The following CNBD1 variants were observed in gnomAD, a reference collection of about 807,000 sequenced individuals.
The protein encoded by CNBD1 is cyclic nucleotide binding domain containing 1.
A neutral mutation model predicts 54.4 loss-of-function variants in CNBD1; 71 were observed. The ratio of observed to expected loss-of-function variants is 1.30; its 90% CI spans 1.08 to 1.59. The LOEUF is 1.59. CNBD1 is among the 40% of genes most tolerant of loss of function. The pLI is 0.00. For synonymous variants in CNBD1, 182 were observed against 170.7 expected, an observed-to-expected ratio of 1.07 and a Z score of -0.51; for missense variants, 659 against 518.0, an observed-to-expected ratio of 1.27 and a Z score of -2.64.
At chr8:86,965,824 G>C (rs1301958907) in intron 4 of CNBD1, among the ~76,000 whole-genome samples, 2 of 152,152 alleles carry the variant, frequency 1.3e-5, no homozygotes, top group East Asian at 3.9e-4. Flanking sequence ...CCTGCAGCAG[G>C]TAGCTCCTCT....
intron 4 of CNBD1, among the ~76,000 whole-genome samples, chr8:87,144,137 C>A (rs1413862725): frequency 6.6e-6 from 1 of 152,172 alleles, no homozygotes; most frequent in Admixed American, 6.5e-5. Flanking sequence ...TATAGAGAAG[C>A]TGAATTTGAA....
chr8:87,375,320 A>G (rs1056693319), intron 10 of CNBD1, among the ~76,000 whole-genome samples: 1 of 151,910 alleles, frequency 6.6e-6, no homozygotes, highest in Non-Finnish European at 1.5e-5. Context: ...GCTGTCTGTT[A>G]ACACAGAGAG....
intron 4 of CNBD1, among the ~76,000 whole-genome samples, chr8:87,158,739 G>A (rs1812795342): frequency 6.6e-6 from 1 of 152,152 alleles, no homozygotes; most frequent in South Asian, 2.1e-4. Flanking sequence ...TTTACACTGA[G>A]TCCACTGCTT....
intron 4 of CNBD1, among the ~76,000 whole-genome samples, chr8:86,969,793 TACACACAC>T (rs10547170): frequency 0.016 from 2,265 of 144,528 alleles, 39 homozygotes; most frequent in Middle Eastern, 0.043. Context: ...TATATATATA[TACACACAC>T]ACACACACAC....
intron 6 of CNBD1, among the ~76,000 whole-genome samples, chr8:87,237,812 A>G (rs1011073796): frequency 6.6e-6 from 1 of 152,114 alleles, no homozygotes; most frequent in African/African-American, 2.4e-5. Context: ...TCCAGAACTA[A>G]TATCATATTC....
chr8:87,187,198 A>G (rs1813498288), intron 4 of CNBD1, among the ~76,000 whole-genome samples: 2 of 123,430 alleles, frequency 1.6e-5, no homozygotes, highest in Admixed American at 1.8e-4. Flanking sequence ...ATATATCTGC[A>G]CATATCTATC....
chr8:87,051,868 T>C (rs144438073), intron 4 of CNBD1, among the ~76,000 whole-genome samples: 3,616 of 152,250 alleles, frequency 0.024, 51 homozygotes, highest in Middle Eastern at 0.037. Flanking sequence ...TATGGCCAGA[T>C]TTTGGGGGAC....
At chr8:86,888,872 T>C (rs1244702069) in intron 2 of CNBD1, among the ~76,000 whole-genome samples, 2 of 152,072 alleles carry the variant, frequency 1.3e-5, no homozygotes, top group Non-Finnish European at 1.5e-5. Flanking sequence ...TTTTTTTCTC[T>C]TTGGGGGGTC....
intron 8 of CNBD1, among the ~76,000 whole-genome samples, chr8:87,309,743 T>C (rs1371870343): frequency 2.0e-5 from 3 of 152,150 alleles, no homozygotes; most frequent in East Asian, 1.9e-4. Context: ...GATAGAGTGA[T>C]ACCTGTAAGT....
At position 87,353,742 on chromosome 8, in the gene CNBD1, A is replaced by G. The variant is rs1464762242; in HGVS notation, c.1259A>G (p.Lys420Arg). 1 of 1,611,306 alleles carries G rather than the reference A, an allele frequency of 6.2e-7. No individual in the cohort carries two copies. The highest frequency in any genetic ancestry group is 1.1e-5 in the South Asian group (1 of 90,280). Residue 420 changes from lysine (K) to arginine (R), a missense_variant, in exon 10 of 11, where the codon AAA becomes AGA. Coordinates refer to ENST00000518476, the MANE Select transcript of CNBD1 (RefSeq NM_173538.3). Reference sequence around the variant, plus strand: ...CCTTTCACGTGCACAATCATTACCAAAAAAGAAGTTGAGATGGCAATCATT... The same window carrying G: ...CCTTTCACGTGCACAATCATTACCAGAAAAGAAGTTGAGATGGCAATCATT... ...QVPFTCTIITKKEVEMAIIED... is the reference protein window; with the variant it reads ...QVPFTCTIITRKEVEMAIIED...
At chr8:86,866,840 G>T (rs1808372298) in intron 1 of CNBD1, among the ~76,000 whole-genome samples, 1 of 152,080 alleles carries the variant, frequency 6.6e-6, no homozygotes, top group Non-Finnish European at 1.5e-5. Context: ...CAGATACATT[G>T]AAATATTTCT....
At chr8:87,079,618 C>T (rs528403492) in intron 4 of CNBD1, among the ~76,000 whole-genome samples, 13 of 152,082 alleles carry the variant, frequency 8.5e-5, no homozygotes, top group East Asian at 3.9e-4. Context: ...TATATTTTTT[C>T]GCTTATTGAT....
intron 4 of CNBD1, among the ~76,000 whole-genome samples, chr8:86,978,734 G>A (rs1383644056): frequency 6.6e-6 from 1 of 151,368 alleles, no homozygotes; most frequent in East Asian, 1.9e-4. Flanking sequence ...GTAGAGATGG[G>A]GTTTCTCCAT....
intron 1 of CNBD1, among the ~76,000 whole-genome samples, chr8:86,880,213 A>T (rs1473486801): frequency 1.8e-5 from 2 of 110,252 alleles, no homozygotes; most frequent in Non-Finnish European, 3.7e-5. Flanking sequence ...ACACAGCCCT[A>T]CTTGGTGACT....
At chr8:87,412,172 T>A (rs892429544) in intron 2 of CNBD1, among the ~76,000 whole-genome samples, 4 of 152,118 alleles carry the variant, frequency 2.6e-5, no homozygotes, top group Non-Finnish European at 5.9e-5. Context: ...CTTCATTTTG[T>A]CTGCTTAAGG....
At chr8:87,388,029 C>T (rs1319271548) in intron 2 of CNBD1, among the ~76,000 whole-genome samples, 3 of 152,112 alleles carry the variant, frequency 2.0e-5, no homozygotes, top group Non-Finnish European at 4.4e-5. Flanking sequence ...GAAATGAAGG[C>T]AGAAATAAAG....
intron 4 of CNBD1, among the ~76,000 whole-genome samples, chr8:87,092,818 A>G (rs1811244346): frequency 6.6e-6 from 1 of 152,158 alleles, no homozygotes; most frequent in South Asian, 2.1e-4. Flanking sequence ...CTCCAGATCC[A>G]TTTATCAATT....
intron 2 of CNBD1, among the ~76,000 whole-genome samples, chr8:87,412,253 A>G (rs1373797759): frequency 6.6e-6 from 1 of 152,126 alleles, no homozygotes; most frequent in East Asian, 1.9e-4. Context: ...TCCTTGATAT[A>G]TCATGTGTTT....
At chr8:86,888,134 A>G (rs1298001866) in intron 2 of CNBD1, among the ~76,000 whole-genome samples, 1 of 152,146 alleles carries the variant, frequency 6.6e-6, no homozygotes, top group East Asian at 1.9e-4. Context: ...ATCAGTGTCC[A>G]TCCACCCTCT....
Sources: gnomAD v4.1 joint callset for allele counts (sites outside exome capture counted in the v4.1 genomes callset) on GRCh38, gnomAD v4.1.1 for gene constraint, MANE v1.5 for transcripts, NCBI Gene and HGNC (gene_info 2026-07-23, HGNC 2026-07-21) for gene names.